The following BCAS3 variants were observed in gnomAD, a reference collection of about 807,000 sequenced individuals.
BCAS3 encodes BCAS3 microtubule associated cell migration factor, also known as BCAS4/BCAS3 fusion.
BCAS3 carries 53 observed loss-of-function variants against 116.1 expected under a neutral mutation model. That is an observed-to-expected ratio of 0.46 (90% CI 0.37 to 0.57). The LOEUF is 0.57. Ranked by LOEUF, BCAS3 falls within the 20% of genes least tolerant of loss-of-function variation. The probability of loss-of-function intolerance (pLI) is 0.00; values close to 1 mark genes in which losing one functional copy is unlikely to be tolerated. For synonymous variants in BCAS3, 391 were observed against 408.2 expected, an observed-to-expected ratio of 0.96 and a Z score of 0.51; for missense variants, 917 against 1,165.4, an observed-to-expected ratio of 0.79 and a Z score of 3.10.
At chr17:60,837,112 C>A (rs2051434107) in intron 7 of BCAS3, among the ~76,000 whole-genome samples, 1 of 152,014 alleles carries the variant, frequency 6.6e-6, no homozygotes, top group Admixed American at 6.6e-5. Context: ...TGCACTTTAA[C>A]CTTATATCTA....
At chr17:60,917,680 G>A (rs1279964020) in intron 12 of BCAS3, among the ~76,000 whole-genome samples, 2 of 151,870 alleles carry the variant, frequency 1.3e-5, no homozygotes, top group Non-Finnish European at 2.9e-5. Flanking sequence ...TGCAACTGCT[G>A]CCTCTTGGGT....
intron 6 of BCAS3, among the ~76,000 whole-genome samples, chr17:60,806,375 AAG>A (rs1481060129): frequency 6.6e-6 from 1 of 152,202 alleles, no homozygotes. Flanking sequence ...TCAGGAATCA[AAG>A]AGCCGGTCAG....
At chr17:60,788,962 A>G (rs1282247752) in intron 6 of BCAS3, among the ~76,000 whole-genome samples, 1 of 152,184 alleles carries the variant, frequency 6.6e-6, no homozygotes, top group Non-Finnish European at 1.5e-5. Flanking sequence ...GAGTGAATAT[A>G]TAAGTTAATC....
Position 61,277,594 on chromosome 17 carries a change from T to C in BCAS3, c.2426-90733T>C, listed in dbSNP as rs112705390. Among the ~76,000 whole-genome samples the C allele has an allele frequency of 8.0e-3, 1,213 of 151,964 alleles. 13 individuals are homozygous for C. The highest frequency in any genetic ancestry group is 0.027 in the African/African-American group (1,131 of 41,278). On this transcript the variant is annotated intron_variant, in intron 22 of 23. Coordinates refer to ENST00000407086, the MANE Select transcript of BCAS3 (RefSeq NM_017679.5). ...TGGGAGAAAATTTTTGCAAATCATA[T>C]ATCTGATAAGGGACTTATATCTAGA...
chr17:60,816,315 G>A (rs111567274), intron 7 of BCAS3, among the ~76,000 whole-genome samples: 6,333 of 136,650 alleles, frequency 0.046, 377 homozygotes, highest in African/African-American at 0.15. Flanking sequence ...TTGCTCTGTC[G>A]CCAGACTGGA....
Position 60,747,234 on chromosome 17 carries a change from C to T in BCAS3, c.358C>T (p.His120Tyr), listed in dbSNP as rs760630193. 1.2e-6 allele frequency: 2 copies of T among 1,613,214 alleles called. No homozygotes were observed. Among genetic ancestry groups the T allele is most frequent in the African/African-American group, 1.3e-5 (1 of 74,928 alleles). The change falls in exon 6 of 24, where the codon CAT (histidine) becomes TAT (tyrosine). Residue 120 changes from histidine (H) to tyrosine (Y), a missense_variant. His to Tyr is a moderately conservative substitution (Grantham distance 83). Around this residue, in one of 3 missense-constraint regions of BCAS3, gnomAD observed 807 missense variants for 1,026.0 expected, o/e 0.79. Transcript: ENST00000407086. Reference sequence around the variant, plus strand: ...AGCACAAGAGCTCTTCTCTGTTCGACATGGCCCAATTCGAGCGGCTAGAAT... The same window carrying T: ...AGCACAAGAGCTCTTCTCTGTTCGATATGGCCCAATTCGAGCGGCTAGAAT... ...GEAQELFSVR[H>Y]GPIRAARILP...
At chr17:60,865,847 G>T (rs1388719256) in intron 7 of BCAS3, among the ~76,000 whole-genome samples, 4 of 152,092 alleles carry the variant, frequency 2.6e-5, no homozygotes, top group African/African-American at 9.7e-5. Flanking sequence ...GACCTTATGG[G>T]GAAGGTGTTT....
intron 5 of BCAS3, 53 bp downstream of exon 5, chr17:60,709,378 T>G: frequency 8.8e-7 from 1 of 1,133,446 alleles, no homozygotes. Flanking sequence ...CATGTTAGCT[T>G]ATGTGAAATC....
intron 22 of BCAS3, among the ~76,000 whole-genome samples, chr17:61,210,504 G>T (rs1224673377): frequency 6.6e-6 from 1 of 152,168 alleles, no homozygotes; most frequent in Admixed American, 6.5e-5. Flanking sequence ...AGAAGTAAGG[G>T]TTCTGAATTT....
chr17:61,116,791 A>G (rs143001250), intron 22 of BCAS3, among the ~76,000 whole-genome samples: 110 of 152,246 alleles, frequency 7.2e-4, no homozygotes, highest in Middle Eastern at 6.8e-3. Flanking sequence ...TTTCCTTTGT[A>G]CTCAGAAAAA....
chr17:61,078,576 G>A, intron 21 of BCAS3, 47 bp downstream of exon 21: 1 of 1,502,478 alleles, frequency 6.7e-7, no homozygotes, highest in Non-Finnish European at 9.1e-7. Context: ...GGATTAATAT[G>A]TTCGTGTGAA....
At position 61,008,069 on chromosome 17, in the gene BCAS3, A is replaced by T. The variant is rs1409432477; in HGVS notation, c.1487-7682A>T. Among the ~76,000 whole-genome samples, 1 of 151,858 alleles carries T rather than the reference A, an allele frequency of 6.6e-6. No individual in the cohort carries two copies. Among genetic ancestry groups the T allele is most frequent in the Non-Finnish European group, 1.5e-5 (1 of 67,904 alleles). ...ACACACACACACACACACACATAAA[A>T]TTCATTTTCTTTTAGTGTGTGTTCT... On this transcript the variant is annotated intron_variant, in intron 15 of 23. Coordinates refer to ENST00000407086, the MANE Select transcript of BCAS3 (RefSeq NM_017679.5). This position sits in a 1 kb window ranked among gnomAD's most constrained non-coding sequence, Gnocchi z 4.6.
At position 60,898,232 on chromosome 17, in the gene BCAS3, G is replaced by A. The variant is rs186801371; in HGVS notation, c.739-4388G>A. On this transcript the variant is annotated intron_variant, in intron 10 of 23. Coordinates refer to ENST00000407086, the MANE Select transcript of BCAS3 (RefSeq NM_017679.5). ...ATTTCTTTTTGATTAGAATCTGGCT[G>A]GAGAGTTATTGTGTTTCTTTGGAGG... Among the ~76,000 whole-genome samples the A allele has an allele frequency of 3.3e-3, 506 of 152,216 alleles. 14 individuals carry two copies. Among genetic ancestry groups the A allele is most frequent in the Admixed American group, 0.031 (475 of 15,290 alleles).
intron 22 of BCAS3, among the ~76,000 whole-genome samples, chr17:61,284,136 T>A (rs1256846790): frequency 6.6e-6 from 1 of 152,172 alleles, no homozygotes; most frequent in Non-Finnish European, 1.5e-5. Context: ...ATCAGCACTC[T>A]GTAAAAATGG....
At chr17:61,086,669 G>A in intron 22 of BCAS3, 5 of 985,260 alleles carry the variant, frequency 5.1e-6, no homozygotes, top group Non-Finnish European at 6.0e-6. Flanking sequence ...AGAACTTCTT[G>A]GTGGCTAAGC....
chr17:61,332,504 G>T lies in BCAS3; in HGVS notation c.2426-35823G>T, dbSNP rs2056373500. 6.6e-6 allele frequency among the ~76,000 whole-genome samples: 1 copy of T among 152,164 alleles called. No individual in the cohort carries two copies. The highest frequency in any genetic ancestry group is 2.4e-5 in the African/African-American group (1 of 41,450). ...GGGAAACAATTTGACAGCAAGAAAA[G>T]AATCTCCTAAAGAGACTGTTGCAGT... On this transcript the variant is annotated intron_variant, in intron 22 of 23. Transcript: ENST00000407086. The surrounding 1 kb of genome is among the most constrained non-coding windows in gnomAD (Gnocchi z 5.4).
At chr17:60,779,336 G>A (rs1431133712) in intron 6 of BCAS3, among the ~76,000 whole-genome samples, 1 of 151,388 alleles carries the variant, frequency 6.6e-6, no homozygotes, top group African/African-American at 2.4e-5. Flanking sequence ...GGCTATATGT[G>A]TAAGGTGCAT....
intron 22 of BCAS3, among the ~76,000 whole-genome samples, chr17:61,303,808 C>T (rs768178015): frequency 1.3e-5 from 2 of 152,298 alleles, no homozygotes; most frequent in Admixed American, 6.5e-5. Flanking sequence ...ACTGTGAAGT[C>T]CTGAAAAGCA....
chr17:60,726,054 C>T (rs1404385535), intron 5 of BCAS3, among the ~76,000 whole-genome samples: 1 of 151,524 alleles, frequency 6.6e-6, no homozygotes, highest in Non-Finnish European at 1.5e-5. Context: ...CACCACCACA[C>T]TTGGCTAATT....
Sources: gnomAD v4.1 joint callset for allele counts (sites outside exome capture counted in the v4.1 genomes callset) on GRCh38, gnomAD v4.1.1 for gene constraint, gnomAD v4.1.1 regional missense constraint, Gnocchi (gnomAD v3.1) non-coding constraint, MANE v1.5 for transcripts, NCBI Gene and HGNC (gene_info 2026-07-23, HGNC 2026-07-21) for gene names.